Variants in ADARB2 observed in about 807,000 individuals in gnomAD.
The protein encoded by ADARB2 is inactive double-stranded RNA-specific editase B2.
ADARB2 carries 25 observed loss-of-function variants against 62.2 expected under a neutral mutation model. The ratio of observed to expected loss-of-function variants is 0.40; its 90% CI spans 0.29 to 0.56. The LOEUF is 0.56. Ranked by LOEUF, ADARB2 falls within the 20% of genes least tolerant of loss-of-function variation. The pLI, the probability that ADARB2 is intolerant of heterozygous loss-of-function variation, is 0.43. For missense variants in ADARB2, 1,071 were observed against 1,077.4 expected (o/e 0.99, Z 0.08); for synonymous variants, 572 against 500.8 (o/e 1.14, Z -1.90).
At chr10:1,355,079 C>T (rs1832181973) in intron 3 of ADARB2, among the ~76,000 whole-genome samples, 1 of 152,204 alleles carries the variant, frequency 6.6e-6, no homozygotes, top group Admixed American at 6.5e-5. Context: ...GGACATGATG[C>T]CCAGGTATGT....
chr10:1,356,471 G>A (rs1374411245), intron 3 of ADARB2, among the ~76,000 whole-genome samples: 2 of 152,146 alleles, frequency 1.3e-5, no homozygotes, highest in East Asian at 3.9e-4. Context: ...ACTTCACACA[G>A]CCCCAACGAT....
chr10:1,539,849 T>A (rs1481070199), intron 1 of ADARB2, among the ~76,000 whole-genome samples: 1 of 152,214 alleles, frequency 6.6e-6, no homozygotes, highest in East Asian at 1.9e-4. Context: ...GCATGCAACA[T>A]AACATTATAC....
chr10:1,227,085 T>C (rs910755067), intron 6 of ADARB2, among the ~76,000 whole-genome samples: 2 of 152,246 alleles, frequency 1.3e-5, no homozygotes, highest in Non-Finnish European at 2.9e-5. Flanking sequence ...GTTTATCTAA[T>C]CAAACAACTA....
At chr10:1,538,989 G>C (rs1832372634) in intron 1 of ADARB2, among the ~76,000 whole-genome samples, 1 of 152,124 alleles carries the variant, frequency 6.6e-6, no homozygotes, top group South Asian at 2.1e-4. Flanking sequence ...ACAGGTGAGG[G>C]GTCTCAGGCC....
rs114774793 is a variant in ADARB2, at chr10:1,317,945, G to A, written c.1077+45083C>T. Among the ~76,000 whole-genome samples, 616 of 152,174 alleles carry A rather than the reference G, an allele frequency of 4.0e-3. 3 individuals are homozygous for A. The highest frequency in any genetic ancestry group is 0.013 in the African/African-American group (555 of 41,500). On this transcript the variant is annotated intron_variant, in intron 3 of 9. Coordinates refer to ENST00000381312, the MANE Select transcript of ADARB2 (RefSeq NM_018702.4). The stretch of plus-strand genomic sequence containing the variant: ...ACTCCCTACCAGTGCCCCTTTACTC[G>A]ACCCTCCCTCAATCCCCGGTGTGAG...
At chr10:1,307,569 C>T (rs951785968) in intron 3 of ADARB2, among the ~76,000 whole-genome samples, 5 of 143,700 alleles carry the variant, frequency 3.5e-5, no homozygotes, top group African/African-American at 5.1e-5. Flanking sequence ...ACCCAGCCAT[C>T]CCATTACTGG....
At chr10:1,595,014 C>T (rs2676187) in intron 1 of ADARB2, among the ~76,000 whole-genome samples, 59,805 of 152,012 alleles carry the variant, frequency 0.39, 12,629 homozygotes, top group Non-Finnish European at 0.47. Context: ...GGTCTTTCCT[C>T]AGGGGCTTGG....
chr10:1,371,229 T>A (rs564466782), intron 2 of ADARB2, among the ~76,000 whole-genome samples: 1 of 152,308 alleles, frequency 6.6e-6, no homozygotes, highest in East Asian at 1.9e-4. Context: ...GCTGGGAAAT[T>A]GGCTATCCAT....
At chr10:1,673,287 T>C (rs1041149932) in intron 1 of ADARB2, among the ~76,000 whole-genome samples, 1 of 151,442 alleles carries the variant, frequency 6.6e-6, no homozygotes, top group Non-Finnish European at 1.5e-5. Flanking sequence ...TTCAGATGCG[T>C]AACAAGTGAT....
chr10:1,364,458 C>CGGCCTTG (rs1455815299), intron 2 of ADARB2, among the ~76,000 whole-genome samples: 1 of 152,210 alleles, frequency 6.6e-6, no homozygotes, highest in African/African-American at 2.4e-5. Flanking sequence ...TGAGGCACTG[C>CGGCCTTG]GGCCTTGGGG....
intron 1 of ADARB2, among the ~76,000 whole-genome samples, chr10:1,529,971 C>T (rs11250588): frequency 3.2e-5 from 1 of 31,336 alleles, no homozygotes; most frequent in Non-Finnish European, 1.1e-4. Context: ...GGGCACCCAT[C>T]CACTGCTCCT....
chr10:1,340,011 C>T (rs1009113581), intron 3 of ADARB2, among the ~76,000 whole-genome samples: 3 of 152,108 alleles, frequency 2.0e-5, no homozygotes, highest in Non-Finnish European at 2.9e-5. Context: ...TATCAACTTT[C>T]CTGTATGCTG....
intron 3 of ADARB2, among the ~76,000 whole-genome samples, chr10:1,280,379 C>T (rs1399678150): frequency 6.6e-6 from 1 of 152,222 alleles, no homozygotes; most frequent in Non-Finnish European, 1.5e-5. Context: ...CTCTCTGCCC[C>T]TCATAGGCTT....
chr10:1,496,225 C>T (rs1831689210), intron 1 of ADARB2, among the ~76,000 whole-genome samples: 1 of 151,778 alleles, frequency 6.6e-6, no homozygotes, highest in African/African-American at 2.4e-5. Context: ...TCACTATCAT[C>T]ATCATTGTCA....
At chr10:1,388,122 A>T (rs1408451645) in intron 1 of ADARB2, among the ~76,000 whole-genome samples, 1 of 152,136 alleles carries the variant, frequency 6.6e-6, no homozygotes, top group African/African-American at 2.4e-5. Flanking sequence ...TTTTCACAGA[A>T]TTCAAGATTC....
chr10:1,486,038 A>G (rs1409102922), intron 1 of ADARB2, among the ~76,000 whole-genome samples: 4 of 152,124 alleles, frequency 2.6e-5, no homozygotes, highest in Admixed American at 6.5e-5. Flanking sequence ...TTTCTGGCCT[A>G]TGTATGGTTG....
intron 1 of ADARB2, among the ~76,000 whole-genome samples, chr10:1,456,296 G>A (rs10903452): frequency 0.57 from 86,805 of 152,020 alleles, 26,255 homozygotes; most frequent in Middle Eastern, 0.71. Context: ...TCTCCAGGAA[G>A]TACCTGCCCG....
intron 1 of ADARB2, among the ~76,000 whole-genome samples, chr10:1,551,328 C>T (rs1588298946): frequency 6.6e-6 from 1 of 152,140 alleles, no homozygotes; most frequent in East Asian, 1.9e-4. Flanking sequence ...TATGACAGCC[C>T]CAGGAAACTT....
chr10:1,408,362 G>T (rs1285002546), intron 1 of ADARB2, among the ~76,000 whole-genome samples: 1 of 152,160 alleles, frequency 6.6e-6, no homozygotes, highest in Non-Finnish European at 1.5e-5. Flanking sequence ...GTAGATACGT[G>T]CTCACATGTG....
Sources: allele counts gnomAD v4.1 joint callset (sites outside exome capture counted in the v4.1 genomes callset), GRCh38; gene constraint gnomAD v4.1.1; transcripts MANE v1.5; gene names NCBI Gene and HGNC (gene_info 2026-07-23, HGNC 2026-07-21).